Variants in ADGRD1 observed in about 807,000 individuals in gnomAD.
ADGRD1 encodes the protein adhesion G protein-coupled receptor D1.
ADGRD1 carries 77 observed loss-of-function variants against 113.4 expected under a neutral mutation model. The observed-to-expected ratio is 0.68, with a 90% confidence interval of 0.57 to 0.82. The LOEUF (loss-of-function observed/expected upper bound fraction) is 0.82. Among genes scored for constraint, ADGRD1 ranks in the 40% least tolerant of loss-of-function variants. The probability of loss-of-function intolerance (pLI) is 0.00; values close to 1 mark genes in which losing one functional copy is unlikely to be tolerated. For missense variants in ADGRD1, 1,036 were observed against 1,139.1 expected (o/e 0.91, Z 1.30); for synonymous variants, 474 against 475.0 (o/e 1.00, Z 0.03).
intron 13 of ADGRD1, among the ~76,000 whole-genome samples, chr12:131,063,923 C>A (rs1042390280): frequency 1.3e-5 from 2 of 152,098 alleles, no homozygotes; most frequent in African/African-American, 4.8e-5. Context: ...ATTAACATGG[C>A]GTATCTCTCC....
At chr12:131,020,029 G>C (rs1160774529) in intron 13 of ADGRD1, among the ~76,000 whole-genome samples, 2 of 129,438 alleles carry the variant, frequency 1.5e-5, no homozygotes, top group Non-Finnish European at 3.3e-5. Flanking sequence ...TCCAGGGCAG[G>C]GGGTGCTCGA....
At chr12:131,031,487 G>A (rs533118967) in intron 13 of ADGRD1, among the ~76,000 whole-genome samples, 4 of 152,156 alleles carry the variant, frequency 2.6e-5, no homozygotes, top group African/African-American at 7.2e-5. Flanking sequence ...CGGTTCTGTC[G>A]ACGAGTCACC....
intron 13 of ADGRD1, among the ~76,000 whole-genome samples, chr12:131,068,294 G>A (rs1884883206): frequency 1.3e-5 from 2 of 152,206 alleles, no homozygotes; most frequent in Non-Finnish European, 1.5e-5. Context: ...CTCATGGGTG[G>A]CGCTGGAATG....
At chr12:131,138,099 T>C in intron 23 of ADGRD1, 38 bp from the exon 24 acceptor site, 1 of 1,555,262 alleles carries the variant, frequency 6.4e-7, no homozygotes, top group Non-Finnish European at 8.9e-7. Flanking sequence ...TGTTGCAGCC[T>C]CTGAAATTGC....
chr12:131,072,732 G>A (rs1039901583), intron 13 of ADGRD1, among the ~76,000 whole-genome samples: 4 of 152,254 alleles, frequency 2.6e-5, no homozygotes, highest in African/African-American at 9.6e-5. Flanking sequence ...CCTGGAGAGG[G>A]AAGACTTGGG....
At chr12:131,048,815 G>A (rs1883094318) in intron 13 of ADGRD1, among the ~76,000 whole-genome samples, 1 of 152,204 alleles carries the variant, frequency 6.6e-6, no homozygotes, top group African/African-American at 2.4e-5. Context: ...CTCCTGAAGG[G>A]CTGGGCGGCA....
At chr12:130,975,942 T>A (rs1347164200) in intron 4 of ADGRD1, among the ~76,000 whole-genome samples, 1 of 152,138 alleles carries the variant, frequency 6.6e-6, no homozygotes, top group Non-Finnish European at 1.5e-5. Context: ...AGCTTCACCT[T>A]CCTCCCTCTG....
At position 131,139,100 on chromosome 12, in the gene ADGRD1, A is replaced by G. The variant is rs1484981636; in HGVS notation, c.2530-68A>G. On this transcript the variant is annotated intron_variant, in intron 24 of 24. Coordinates refer to ENST00000261654, the MANE Select transcript of ADGRD1 (RefSeq NM_198827.5). Reference sequence around the variant, plus strand: ...CAGCTATGGGCCCAATGCTCCCCGCACTCACTGGGCTTATGGCTCTCCCCC... The same window carrying G: ...CAGCTATGGGCCCAATGCTCCCCGCGCTCACTGGGCTTATGGCTCTCCCCC... 5.7e-6 allele frequency: 7 copies of G among 1,229,638 alleles called. No homozygotes were observed. In the African/African-American group the frequency reaches 6.0e-5, roughly 11 times the overall value. 76.2% of individuals were successfully genotyped at this position (1,229,638 alleles called of 1,614,324 possible). A position where few individuals can be genotyped will look rare whatever the true frequency, so the allele number is the denominator to read the frequency against.
chr12:131,115,513 C>T (rs1002086193), intron 18 of ADGRD1, among the ~76,000 whole-genome samples: 4 of 152,012 alleles, frequency 2.6e-5, no homozygotes, highest in African/African-American at 9.7e-5. Flanking sequence ...CCCATGCGCC[C>T]ATCCTCCCAG....
intron 15 of ADGRD1, among the ~76,000 whole-genome samples, chr12:131,101,931 C>T (rs1190368731): frequency 2.0e-5 from 3 of 152,332 alleles, no homozygotes; most frequent in East Asian, 3.9e-4. Context: ...TCCTCTAAAA[C>T]AGCACTTCTT....
At chr12:131,107,724 G>T (rs1268939376) in intron 17 of ADGRD1, among the ~76,000 whole-genome samples, 1 of 152,252 alleles carries the variant, frequency 6.6e-6, no homozygotes, top group Admixed American at 6.5e-5. Flanking sequence ...AAGACACAGG[G>T]CCAGGGGTTG....
At chr12:130,982,380 C>T (rs1873114378) in intron 5 of ADGRD1, among the ~76,000 whole-genome samples, 1 of 152,234 alleles carries the variant, frequency 6.6e-6, no homozygotes, top group Admixed American at 6.5e-5. Flanking sequence ...CAGTACTTAC[C>T]TCACGGTTTC....
In ADGRD1 at chr12:131,100,284, T is replaced by G. The variant is rs377559356; in HGVS notation, c.1672-4547T>G. Among the ~76,000 whole-genome samples, 240 of 151,620 alleles carry G rather than the reference T, an allele frequency of 1.6e-3. 4 individuals carry two copies. The highest frequency in any genetic ancestry group is 5.7e-3 in the African/African-American group (236 of 41,296). ...AAGGTTGGTTGATGGTGGGTTTGGC[T>G]GATGGTGGAATTGGCTGGTAGATTG... On this transcript the variant is annotated intron_variant, in intron 15 of 24. Coordinates refer to ENST00000261654, the MANE Select transcript of ADGRD1 (RefSeq NM_198827.5).
At chr12:131,009,898 A>G (rs1242526960) in intron 12 of ADGRD1, among the ~76,000 whole-genome samples, 2 of 152,172 alleles carry the variant, frequency 1.3e-5, no homozygotes, top group Non-Finnish European at 2.9e-5. Flanking sequence ...GTGTAGGTGA[A>G]GCCTATGCGT....
At position 131,050,537 on chromosome 12, in the gene ADGRD1, G is replaced by A. The variant is rs544838145; in HGVS notation, c.1474-26264G>A. On this transcript the variant is annotated intron_variant, in intron 13 of 24. Transcript: ENST00000261654. The surrounding 1 kb of genome is among the most constrained non-coding windows in gnomAD (Gnocchi z 4.8). Reference sequence around the variant, plus strand: ...CTGCTCAGCTTCTGGGAAGGCCTCCGGGAGCTACAGTCATGGCAGAAGGTG... The same window carrying A: ...CTGCTCAGCTTCTGGGAAGGCCTCCAGGAGCTACAGTCATGGCAGAAGGTG... 2.6e-4 allele frequency among the ~76,000 whole-genome samples: 40 copies of A among 152,158 alleles called. 1 individual carries two copies. The highest frequency in any genetic ancestry group is 7.8e-4 in the East Asian group (4 of 5,154).
intron 14 of ADGRD1, among the ~76,000 whole-genome samples, chr12:131,083,349 C>A (rs774642023): frequency 6.6e-6 from 1 of 151,796 alleles, no homozygotes; most frequent in Non-Finnish European, 1.5e-5. Flanking sequence ...CGCCTATAAT[C>A]CTAGTACTTT....
In ADGRD1 at chr12:130,982,062, A is replaced by G. The variant is rs775164815; in HGVS notation, c.489A>G (p.Pro163=). Reference sequence around the variant, plus strand: ...CATGGGAGGCCTCCTTCAGCCCCCCAGGTGAGTGACAGCATCGGTCCCGGG... The same window carrying G: ...CATGGGAGGCCTCCTTCAGCCCCCCGGGTGAGTGACAGCATCGGTCCCGGG... ...SMTWEASFSP[P]GPYWTHVLFT... Residue 163 remains proline, a splice_region_variant and synonymous_variant, in exon 5 of 25, where the codon CCA becomes CCG. Coordinates refer to ENST00000261654, the MANE Select transcript of ADGRD1 (RefSeq NM_198827.5). 1 of 1,612,860 alleles carries G rather than the reference A, an allele frequency of 6.2e-7. No homozygotes were observed. The highest frequency in any genetic ancestry group is 8.5e-7 in the Non-Finnish European group (1 of 1,179,344).
chr12:131,076,275 A>G (rs1355912993), intron 13 of ADGRD1, among the ~76,000 whole-genome samples: 2 of 152,224 alleles, frequency 1.3e-5, no homozygotes, highest in Non-Finnish European at 2.9e-5. Flanking sequence ...GTAGAGGGGA[A>G]GGTAGCAAAC....
intron 5 of ADGRD1, chr12:130,986,785 C>A (rs1873743545): frequency 6.0e-6 from 2 of 335,930 alleles, no homozygotes; most frequent in Non-Finnish European, 1.1e-5. Context: ...TTGTGCCCTG[C>A]CATTTTTCAA....
Sources: gnomAD v4.1 joint callset for allele counts (sites outside exome capture counted in the v4.1 genomes callset) on GRCh38, gnomAD v4.1.1 for gene constraint, Gnocchi (gnomAD v3.1) non-coding constraint, MANE v1.5 for transcripts, NCBI Gene and HGNC (gene_info 2026-07-23, HGNC 2026-07-21) for gene names.